The following MCF2 variants were observed in gnomAD, a reference collection of about 807,000 sequenced individuals.
MCF2 encodes the protein proto-oncogene DBL.
Under a neutral mutation model 82.5 loss-of-function variants are expected in MCF2, and 44 were observed. The observed-to-expected ratio is 0.53, with a 90% CI of 0.42 to 0.69. The LOEUF (loss-of-function observed/expected upper bound fraction) is 0.69, where lower values mean the gene tolerates loss of function less well. Among genes scored for constraint, MCF2 ranks in the 30% least tolerant of loss-of-function variants. The pLI, the probability that MCF2 is intolerant of heterozygous loss-of-function variation, is 0.00. For missense variants in MCF2, 623 were observed against 663.1 expected (o/e 0.94, Z 0.66); for synonymous variants, 217 against 224.9 (o/e 0.96, Z 0.32).
At chrX:139,673,683 G>T (rs1384325246) in intron 1 of MCF2, among the ~76,000 whole-genome samples, 1 of 112,203 alleles carries the variant, frequency 8.9e-6, no homozygotes, top group Admixed American at 9.5e-5. Context: ...CTGAGAGACA[G>T]TTTGTTGTGA....
At chrX:139,634,558 G>A (rs1472050704) in intron 1 of MCF2, among the ~76,000 whole-genome samples, 1 of 111,404 alleles carries the variant, frequency 9.0e-6, no homozygotes, top group African/African-American at 3.3e-5. Context: ...AGTGTGATAA[G>A]CACAAATAAG....
chrX:139,610,484 T>G, intron 10 of MCF2, 146 bp from the exon 15 acceptor site: 1 of 379,356 alleles, frequency 2.6e-6, no homozygotes, highest in Non-Finnish European at 4.4e-6. Flanking sequence ...TAGAAGATAA[T>G]GTTTGGTTGG....
chrX:139,612,526 A>T (rs1199988575), intron 10 of MCF2, among the ~76,000 whole-genome samples: 1 of 109,688 alleles, frequency 9.1e-6, no homozygotes, highest in Admixed American at 9.7e-5. Context: ...GCAGAATTAT[A>T]TTTAATGCAA....
At chrX:139,596,094 G>C in intron 19 of MCF2, among the ~76,000 whole-genome samples, 1 of 111,501 alleles carries the variant, frequency 9.0e-6, no homozygotes. Context: ...GGAAGGTGGG[G>C]ACATGCTAAA....
chrX:139,585,400 C>T (rs1260197616), intron 23 of MCF2, among the ~76,000 whole-genome samples: 2 of 112,017 alleles, frequency 1.8e-5, no homozygotes. Flanking sequence ...GTTTCCTCAC[C>T]TGTCAAATGA....
chrX:139,599,887 T>A (rs1192123384), intron 16 of MCF2, among the ~76,000 whole-genome samples: 2 of 111,832 alleles, frequency 1.8e-5, no homozygotes, highest in Non-Finnish European at 3.8e-5. Flanking sequence ...TTGTTCATAA[T>A]AATCAAAAGG....
At chrX:139,597,551 G>A in exon 18 of MCF2, 1 of 1,167,887 alleles carries the variant, frequency 8.6e-7, no homozygotes, top group Admixed American at 2.3e-5. Context: ...CAACAGAGCA[G>A]ATCCTTCACA....
chrX:139,632,588 A>G, intron 1 of MCF2, 134 bp from the exon 5 acceptor site: 1 of 425,590 alleles, frequency 2.3e-6, no homozygotes, highest in Non-Finnish European at 4.0e-6. Flanking sequence ...CCAACACTTT[A>G]CAAATGGATA....
intron 23 of MCF2, among the ~76,000 whole-genome samples, chrX:139,586,105 C>A (rs1928929390): frequency 9.0e-6 from 1 of 111,384 alleles, no homozygotes; most frequent in Non-Finnish European, 1.9e-5. Context: ...AGTTTCTGAT[C>A]CAGAAGGTCT....
chrX:139,643,070 A>T (rs776829461), upstream of MCF2, among the ~76,000 whole-genome samples: 25 of 111,979 alleles, frequency 2.2e-4, no homozygotes, highest in African/African-American at 7.8e-4. Flanking sequence ...GCCTTGTGAA[A>T]GGCTATAGTT....
At chrX:139,594,045 A>G (rs1929798011) in intron 19 of MCF2, among the ~76,000 whole-genome samples, 1 of 111,163 alleles carries the variant, frequency 9.0e-6, no homozygotes. Flanking sequence ...TTCAAGGAGA[A>G]CTACAAACCA....
At chrX:139,609,478 G>C (rs944150701) in intron 11 of MCF2, among the ~76,000 whole-genome samples, 1 of 111,324 alleles carries the variant, frequency 9.0e-6, no homozygotes, top group African/African-American at 3.3e-5. Context: ...GAGCCCAAGA[G>C]TTTGAGGCTG....
intron 1 of MCF2, among the ~76,000 whole-genome samples, chrX:139,697,496 C>T (rs916367008): frequency 8.9e-6 from 1 of 111,868 alleles, no homozygotes; most frequent in East Asian, 2.8e-4. Context: ...CAAACTAATA[C>T]GTTATGATGA....
exon 4 of MCF2, chrX:139,629,753 T>C (rs1932861107): frequency 1.7e-6 from 2 of 1,204,836 alleles, no homozygotes; most frequent in African/African-American, 1.8e-5. Flanking sequence ...TGAGGGAATA[T>C]CATCTGGTAG....
chrX:139,596,486 G>A (rs1162871484), intron 19 of MCF2, 63 bp downstream of exon 23: 8 of 895,356 alleles, frequency 8.9e-6, no homozygotes, highest in Non-Finnish European at 1.1e-5. Flanking sequence ...CAAAAAAAAT[G>A]TACAAACTGG....
chrX:139,674,253 A>G (rs1416737144), intron 1 of MCF2, among the ~76,000 whole-genome samples: 2 of 111,432 alleles, frequency 1.8e-5, no homozygotes, highest in Non-Finnish European at 3.8e-5. Context: ...ACAGCACACC[A>G]ATGGGTCTTG....
intron 1 of MCF2, among the ~76,000 whole-genome samples, chrX:139,639,228 T>C (rs1194294235): frequency 4.5e-5 from 5 of 112,258 alleles, no homozygotes; most frequent in African/African-American, 1.6e-4. Flanking sequence ...ATAATTCATT[T>C]TTGAGAACTT....
At chrX:139,658,335 T>G (rs1934253714) in intron 1 of MCF2, among the ~76,000 whole-genome samples, 1 of 91,255 alleles carries the variant, frequency 1.1e-5, no homozygotes, top group South Asian at 4.8e-4. Flanking sequence ...GATTAAGCAA[T>G]GTGGGTTTTT....
At chrX:139,673,236 A>G (rs1241766139) in intron 1 of MCF2, among the ~76,000 whole-genome samples, 1 of 111,330 alleles carries the variant, frequency 9.0e-6, no homozygotes, top group African/African-American at 3.3e-5. Context: ...CTAGCAGTCT[A>G]TCAATTTTGT....
Sources: gnomAD v4.1 joint callset for allele counts (sites outside exome capture counted in the v4.1 genomes callset) on GRCh38, gnomAD v4.1.1 for gene constraint, MANE v1.5 for transcripts, NCBI Gene and HGNC (gene_info 2026-07-23, HGNC 2026-07-21) for gene names.